The following FAM53A variants were observed in gnomAD, a reference collection of about 807,000 sequenced individuals.
The protein encoded by FAM53A is protein FAM53A.
Under a neutral mutation model 26.6 loss-of-function variants are expected in FAM53A, and 28 were observed. The observed-to-expected ratio is 1.05, with a 90% CI of 0.78 to 1.45. FAM53A has a LOEUF of 1.45. Ranked by LOEUF, FAM53A falls within the 40% of genes most tolerant of loss-of-function variation. The pLI is 0.00. For missense variants in FAM53A, 650 were observed against 575.8 expected, an observed-to-expected ratio of 1.13 and a Z score of -1.32; for synonymous variants, 290 against 253.1, an observed-to-expected ratio of 1.15 and a Z score of -1.38.
chr4:1,657,564 C>G, intron 2 of FAM53A, 96 bp from the exon 3 acceptor site: 1 of 1,039,034 alleles, frequency 9.6e-7, no homozygotes, highest in Non-Finnish European at 1.5e-6. Flanking sequence ...TCTACCTTTC[C>G]CCAGTGTTTT....
intron 1 of FAM53A, among the ~76,000 whole-genome samples, chr4:1,629,705 C>T (rs993056658): frequency 1.3e-5 from 2 of 152,226 alleles, no homozygotes; most frequent in South Asian, 2.1e-4. Context: ...CCAGACTCAG[C>T]CCCTTGGGAA....
At position 1,619,133 on chromosome 4, in the gene FAM53A, G is replaced by A. The variant is rs546114340; in HGVS notation, c.432-1022C>T. Among the ~76,000 whole-genome samples, 35 of 152,266 alleles carry A rather than the reference G, an allele frequency of 2.3e-4. 2 individuals carry two copies. In the South Asian group the frequency reaches 7.1e-3, roughly 31 times the overall value. Reference sequence around the variant, plus strand: ...AAAGACAGGCAGGCTCTGGGCCCACGCTGCTCACCCATCCTCCCTGAGCTC... The same window carrying A: ...AAAGACAGGCAGGCTCTGGGCCCACACTGCTCACCCATCCTCCCTGAGCTC... On this transcript the variant is annotated intron_variant, in intron 1 of 1. Coordinates refer to the FAM53A transcript ENST00000489029.
At chr4:1,622,409 C>G in intron 1 of FAM53A, among the ~76,000 whole-genome samples, 1 of 152,224 alleles carries the variant, frequency 6.6e-6, no homozygotes, top group East Asian at 1.9e-4. Flanking sequence ...TCCTTTGTGG[C>G]CCCTCAGGCT....
chr4:1,594,338 C>T, the FAM53A span, among the ~76,000 whole-genome samples: 1 of 152,174 alleles, frequency 6.6e-6, no homozygotes, highest in Non-Finnish European at 1.5e-5. Flanking sequence ...CCTGTGTCCC[C>T]TTCTCCTTGT....
chr4:1,598,124 CG>C, the FAM53A span, among the ~76,000 whole-genome samples: 1 of 152,252 alleles, frequency 6.6e-6, no homozygotes, highest in Non-Finnish European at 1.5e-5. Flanking sequence ...CTGCTGCCTA[CG>C]TACCCCCTTT....
chr4:1,621,787 G>A (rs911934630), intron 1 of FAM53A, among the ~76,000 whole-genome samples: 12 of 152,350 alleles, frequency 7.9e-5, no homozygotes, highest in African/African-American at 2.4e-4. Context: ...CGTCTGGCCC[G>A]TGCCGTCCCT....
intron 1 of FAM53A, among the ~76,000 whole-genome samples, chr4:1,625,900 G>C (rs1374278574): frequency 6.6e-6 from 1 of 152,246 alleles, no homozygotes; most frequent in Admixed American, 6.5e-5. Flanking sequence ...GCCAGGAGCT[G>C]TCCAGAGACC....
chr4:1,675,795 C>T (rs190532168), intron 1 of FAM53A, among the ~76,000 whole-genome samples: 1 of 152,334 alleles, frequency 6.6e-6, no homozygotes, highest in Admixed American at 6.5e-5. Context: ...CCCTGGTCCT[C>T]CAACTCCCCC....
intron 4 of FAM53A, among the ~76,000 whole-genome samples, chr4:1,648,489 G>A (rs914221303): frequency 1.3e-5 from 2 of 152,100 alleles, no homozygotes; most frequent in African/African-American, 4.8e-5. Context: ...CTGCAGCCGC[G>A]GTCAGGAGGG....
the FAM53A span, among the ~76,000 whole-genome samples, chr4:1,610,503 G>A: frequency 7.2e-5 from 11 of 152,300 alleles, no homozygotes; most frequent in Admixed American, 2.0e-4. Context: ...CCCTGTTTTC[G>A]GGGCCAGAGC....
At chr4:1,651,786 G>A (rs543372214) in intron 4 of FAM53A, among the ~76,000 whole-genome samples, 7 of 151,182 alleles carry the variant, frequency 4.6e-5, no homozygotes, top group African/African-American at 1.5e-4. Flanking sequence ...ACCCAAAGCC[G>A]GGGACAGGGA....
At chr4:1,589,570 ATTTC>A in the FAM53A span, among the ~76,000 whole-genome samples, 1 of 151,714 alleles carries the variant, frequency 6.6e-6, no homozygotes, top group Non-Finnish European at 1.5e-5. Context: ...TTCCATTTCA[ATTTC>A]TTTCTTTTTC....
At chr4:1,626,243 C>T (rs1190947413) in intron 1 of FAM53A, among the ~76,000 whole-genome samples, 2 of 152,200 alleles carry the variant, frequency 1.3e-5, no homozygotes, top group Non-Finnish European at 2.9e-5. Flanking sequence ...GACCTTACCC[C>T]AAGCTGAGCC....
At chr4:1,682,490 T>C (rs1474586221) in intron 1 of FAM53A, among the ~76,000 whole-genome samples, 1 of 152,144 alleles carries the variant, frequency 6.6e-6, no homozygotes, top group Non-Finnish European at 1.5e-5. Context: ...CTCGATCTCC[T>C]GACCTCGTGA....
At chr4:1,589,178 A>G in the FAM53A span, among the ~76,000 whole-genome samples, 1 of 152,208 alleles carries the variant, frequency 6.6e-6, no homozygotes, top group Admixed American at 6.5e-5. Flanking sequence ...GTTTTCTGAG[A>G]GTTTAAACAA....
chr4:1,668,097 TAAGTC>T (rs2108996910), intron 2 of FAM53A, among the ~76,000 whole-genome samples: 1 of 151,816 alleles, frequency 6.6e-6, no homozygotes, highest in African/African-American at 2.4e-5. Context: ...CTTCTGTGTG[TAAGTC>T]AGCCTTTCAG....
the FAM53A span, among the ~76,000 whole-genome samples, chr4:1,590,955 C>CATATATACATATATATAT: frequency 3.7e-4 from 17 of 46,304 alleles, 2 homozygotes; most frequent in Non-Finnish European, 4.7e-4. Flanking sequence ...TTATTTAATG[C>CATATATACATATATATAT]ATATATATAT....
chr4:1,620,211 A>T (rs1191675277), intron 1 of FAM53A, among the ~76,000 whole-genome samples: 1 of 151,706 alleles, frequency 6.6e-6, no homozygotes, highest in Non-Finnish European at 1.5e-5. Flanking sequence ...TGTCTCAAAA[A>T]AAAAAAAAAT....
In FAM53A at chr4:1,668,822, C is replaced by T; in HGVS notation, c.-81G>A. The T allele has an allele frequency of 7.4e-7, 1 of 1,353,496 alleles. No homozygotes were observed. Among genetic ancestry groups the T allele is most frequent in the Non-Finnish European group, 1.0e-6 (1 of 952,918 alleles). 83.8% of individuals were successfully genotyped at this position (1,353,496 alleles called of 1,614,324 possible). A position where few individuals can be genotyped will look rare whatever the true frequency, so the allele number is the denominator to read the frequency against. Reference sequence around the variant, plus strand: ...CAGACTTGCGAAGGCCCCAGCATTGCTGGGTCAGCCAAATCTCAAGGTCAT... The same window carrying T: ...CAGACTTGCGAAGGCCCCAGCATTGTTGGGTCAGCCAAATCTCAAGGTCAT... On this transcript the variant is annotated 5_prime_UTR_variant, in exon 2 of 5. Transcript: ENST00000308132.
Sources: gnomAD v4.1 joint callset for allele counts (sites outside exome capture counted in the v4.1 genomes callset) on GRCh38, gnomAD v4.1.1 for gene constraint, MANE v1.5 for transcripts, NCBI Gene and HGNC (gene_info 2026-07-23, HGNC 2026-07-21) for gene names.